Variants in SCG3 observed in about 807,000 individuals in gnomAD.
SCG3 encodes secretogranin III, also known as secretogranin-3.
SCG3 carries 38 observed loss-of-function variants against 56.2 expected under a neutral mutation model. The ratio of observed to expected loss-of-function variants is 0.68; its 90% confidence interval spans 0.52 to 0.89. The LOEUF (loss-of-function observed/expected upper bound fraction) is 0.89, where lower values mean the gene tolerates loss of function less well. SCG3 is among the 40% of genes least tolerant of loss of function. SCG3 has a pLI of 0.00. For synonymous variants in SCG3, 176 were observed against 184.2 expected, an observed-to-expected ratio of 0.96 and a Z score of 0.36; for missense variants, 524 against 540.7, an observed-to-expected ratio of 0.97 and a Z score of 0.31.
chr15:51,711,427 C>A (rs557845419), intron 10 of SCG3, among the ~76,000 whole-genome samples: 26 of 152,304 alleles, frequency 1.7e-4, no homozygotes, highest in African/African-American at 6.3e-4. Flanking sequence ...TTCAGACATA[C>A]TCAAAAGTTG....
chr15:51,710,035 C>T (rs181546683), intron 10 of SCG3, among the ~76,000 whole-genome samples: 1 of 151,414 alleles, frequency 6.6e-6, no homozygotes, highest in East Asian at 2.0e-4. Context: ...CGCGCCCGGC[C>T]GGCTTGTAAG....
intron 2 of SCG3, among the ~76,000 whole-genome samples, chr15:51,682,837 G>A (rs2055203426): frequency 6.6e-6 from 1 of 152,172 alleles, no homozygotes; most frequent in Non-Finnish European, 1.5e-5. Flanking sequence ...TTGTAAGATT[G>A]CCTAATTTAC....
chr15:51,706,319 C>A (rs987574869), intron 10 of SCG3, among the ~76,000 whole-genome samples: 1 of 152,128 alleles, frequency 6.6e-6, no homozygotes, highest in Non-Finnish European at 1.5e-5. Context: ...CCAATTCCTG[C>A]GTTTGAGGAC....
chr15:51,703,463 GTGA>G (rs1457345297), intron 10 of SCG3, among the ~76,000 whole-genome samples: 2 of 152,242 alleles, frequency 1.3e-5, no homozygotes, highest in East Asian at 1.9e-4. Flanking sequence ...GTCGTTGTTG[GTGA>G]TGATGATGAC....
chr15:51,690,086 C>A (rs903326754), intron 6 of SCG3, among the ~76,000 whole-genome samples: 2 of 152,158 alleles, frequency 1.3e-5, no homozygotes, highest in African/African-American at 4.8e-5. Context: ...CCAATCCCCC[C>A]ACAAAGAAGT....
Position 51,700,962 on chromosome 15 carries a change from G to T in SCG3, c.1070-145G>T, listed in dbSNP as rs78070809. On this transcript the variant is annotated intron_variant, in intron 9 of 11. Coordinates refer to ENST00000220478, the MANE Select transcript of SCG3 (RefSeq NM_013243.4). ...TCTGTGATATGGGGTTAAAGGGTTG[G>T]ATTAGATAAGCACTAAGATCCCTTT... The T allele has an allele frequency of 2.5e-3, 2,480 of 990,904 alleles. 39 individuals are homozygous for T. The African/African-American group carries it at 0.036, about 15-fold the overall frequency. The allele number at this position is 990,904 out of a possible 1,614,324, so 61.4% of individuals were successfully genotyped here. A position where few individuals can be genotyped will look rare whatever the true frequency, so the allele number is the denominator to read the frequency against.
At chr15:51,702,217 C>A (rs893181109) in intron 10 of SCG3, among the ~76,000 whole-genome samples, 5 of 152,056 alleles carry the variant, frequency 3.3e-5, no homozygotes, top group Non-Finnish European at 5.9e-5. Context: ...ATAAATATAT[C>A]TATGCAATAT....
chr15:51,708,827 C>G (rs1475602292), intron 10 of SCG3, among the ~76,000 whole-genome samples: 1 of 151,838 alleles, frequency 6.6e-6, no homozygotes, highest in South Asian at 2.1e-4. Flanking sequence ...CCACTGCACT[C>G]CAGCCTGGGT....
At chr15:51,694,253 T>C (rs2055287300) in intron 7 of SCG3, among the ~76,000 whole-genome samples, 1 of 151,914 alleles carries the variant, frequency 6.6e-6, no homozygotes, top group Non-Finnish European at 1.5e-5. Flanking sequence ...ATATCATCTC[T>C]GTTGCTGATA....
intron 10 of SCG3, among the ~76,000 whole-genome samples, chr15:51,712,056 A>G (rs1302588990): frequency 1.3e-5 from 2 of 152,218 alleles, no homozygotes; most frequent in African/African-American, 4.8e-5. Context: ...GCTACTTGTT[A>G]GTCATGTGAT....
chr15:51,685,728 G>A lies in SCG3; in HGVS notation c.397+2294G>A, dbSNP rs373005146. Among the ~76,000 whole-genome samples, 278 of 152,280 alleles carry A rather than the reference G, an allele frequency of 1.8e-3. 2 individuals are homozygous for A. The highest frequency in any genetic ancestry group is 6.3e-3 in the African/African-American group (263 of 41,552). On this transcript the variant is annotated intron_variant, in intron 4 of 11. Transcript: ENST00000220478. Reference sequence around the variant, plus strand: ...CGGATGTGTTCCCAGACCTACTCTCGCCTTTAGGAAGCTTCCAAACAGGCT... The same window carrying A: ...CGGATGTGTTCCCAGACCTACTCTCACCTTTAGGAAGCTTCCAAACAGGCT...
chr15:51,691,972 G>C (rs946826014), intron 6 of SCG3, among the ~76,000 whole-genome samples, 187 bp from the exon 7 acceptor site: 1 of 150,572 alleles, frequency 6.6e-6, no homozygotes, highest in Non-Finnish European at 1.5e-5. Flanking sequence ...CTTTCCCTGA[G>C]CTTCAATGAC....
At chr15:51,691,017 C>A (rs777952201) in intron 6 of SCG3, among the ~76,000 whole-genome samples, 3 of 152,122 alleles carry the variant, frequency 2.0e-5, no homozygotes, top group Non-Finnish European at 4.4e-5. Context: ...AGGAAAGAAA[C>A]ATGGTTCTAT....
intron 10 of SCG3, among the ~76,000 whole-genome samples, chr15:51,702,401 C>A (rs1179278126): frequency 1.3e-5 from 2 of 152,062 alleles, no homozygotes; most frequent in African/African-American, 4.8e-5. Context: ...GGACTACAGG[C>A]ACGCGCCACC....
At chr15:51,698,802 C>T (rs1216102429) in intron 8 of SCG3, among the ~76,000 whole-genome samples, 2 of 152,182 alleles carry the variant, frequency 1.3e-5, no homozygotes, top group Non-Finnish European at 2.9e-5. Context: ...GAAAGAGAGC[C>T]TCTTTCTACC....
At chr15:51,704,489 C>G (rs2055360871) in intron 10 of SCG3, among the ~76,000 whole-genome samples, 1 of 149,760 alleles carries the variant, frequency 6.7e-6, no homozygotes, top group African/African-American at 2.4e-5. Context: ...TGTCCCCACT[C>G]CACGGCAATA....
At chr15:51,686,681 A>ATGTTTGTT (rs59206609) in intron 4 of SCG3, among the ~76,000 whole-genome samples, 78,587 of 150,324 alleles carry the variant, frequency 0.52, 20,851 homozygotes, top group African/African-American at 0.59. Flanking sequence ...AACTGATTTT[A>ATGTTTGTT]TGTTTGTTTG....
intron 11 of SCG3, 53 bp downstream of exon 11, chr15:51,713,466 CTT>C (rs1400940799): frequency 8.3e-7 from 1 of 1,210,320 alleles, no homozygotes; most frequent in Non-Finnish European, 1.2e-6. Context: ...GTCAGGGGCT[CTT>C]GTTATATAAA....
rs2055337864 is a variant in SCG3, at chr15:51,701,238, C to T, written c.1201C>T (p.Pro401Ser). The T allele has an allele frequency of 2.5e-6, 4 of 1,594,826 alleles. No homozygotes were observed. In the South Asian group the frequency reaches 3.4e-5, roughly 14 times the overall value. Reference sequence around the variant, plus strand: ...CAACCCAGGAGGAAAGACAGATGAACCCAAAGGTATGGGATTGACAGCTCT... The same window carrying T: ...CAACCCAGGAGGAAAGACAGATGAATCCAAAGGTATGGGATTGACAGCTCT... ...NSNPGGKTDE[P>S]KGKTEAYLEA... Residue 401 changes from proline (P) to serine (S), a missense_variant, in exon 10 of 12, where the codon CCC becomes TCC. Coordinates refer to ENST00000220478, the MANE Select transcript of SCG3 (RefSeq NM_013243.4).
Sources: allele counts gnomAD v4.1 joint callset (sites outside exome capture counted in the v4.1 genomes callset), GRCh38; gene constraint gnomAD v4.1.1; transcripts MANE v1.5; gene names NCBI Gene and HGNC (gene_info 2026-07-23, HGNC 2026-07-21).